The following CRACD variants were observed in gnomAD, a reference collection of about 807,000 sequenced individuals.
The protein encoded by CRACD is capping protein-inhibiting regulator of actin dynamics.
Under a neutral mutation model 106.8 loss-of-function variants are expected in CRACD, and 56 were observed. The observed-to-expected ratio is 0.52, with a 90% CI of 0.42 to 0.66. The LOEUF is 0.66. Ranked by LOEUF, CRACD falls within the 30% of genes least tolerant of loss-of-function variation. The probability of loss-of-function intolerance (pLI) is 0.00; values close to 1 mark genes in which losing one functional copy is unlikely to be tolerated. For missense variants in CRACD, 1,730 were observed against 1,623.2 expected (o/e 1.07, Z -1.13); for synonymous variants, 754 against 670.8 (o/e 1.12, Z -1.92).
At chr4:56,307,434 A>G (rs1744803164) in intron 4 of CRACD, 101 bp from the exon 5 acceptor site, 1 of 1,084,280 alleles carries the variant, frequency 9.2e-7, no homozygotes, top group East Asian at 2.4e-5. Context: ...AGTTGTGCAC[A>G]AGGTATGCCT....
chr4:56,258,431 T>C (rs1741500815), intron 2 of CRACD, among the ~76,000 whole-genome samples: 1 of 152,216 alleles, frequency 6.6e-6, no homozygotes, highest in Admixed American at 6.5e-5. Context: ...CAGCACCTCC[T>C]GAGGCTTTGT....
intron 2 of CRACD, among the ~76,000 whole-genome samples, chr4:56,253,172 G>A (rs1051101320): frequency 1.3e-5 from 2 of 152,254 alleles, no homozygotes; most frequent in Admixed American, 6.5e-5. Context: ...GCAACTTACA[G>A]ACCATACTCT....
At chr4:56,088,132 CTTTTTTT>C (rs11305512) in intron 1 of CRACD, among the ~76,000 whole-genome samples, 21 of 131,944 alleles carry the variant, frequency 1.6e-4, no homozygotes, top group African/African-American at 4.3e-4. Context: ...TAGATTGTTT[CTTTTTTT>C]TTTTTTTTTT....
intron 10 of CRACD, 50 bp downstream of exon 10, chr4:56,324,316 G>A (rs1746296362): frequency 1.3e-6 from 2 of 1,559,700 alleles, no homozygotes; most frequent in South Asian, 1.2e-5. Flanking sequence ...GTTTCTCTTT[G>A]TAGAGCGTGC....
intron 2 of CRACD, among the ~76,000 whole-genome samples, chr4:56,188,709 C>CAA (rs1227467173): frequency 7.7e-6 from 1 of 129,952 alleles, no homozygotes; most frequent in African/African-American, 3.3e-5. Context: ...CACACACACA[C>CAA]ACAGAGAGAG....
chr4:56,243,624 CT>C (rs899649701), intron 2 of CRACD, among the ~76,000 whole-genome samples: 2 of 151,848 alleles, frequency 1.3e-5, no homozygotes, highest in African/African-American at 4.8e-5. Context: ...AAATGGCTTT[CT>C]TTTTTTATTT....
Position 56,314,562 on chromosome 4 carries a change from T to C in CRACD, c.1060T>C (p.Cys354Arg). The part of the protein sequence containing the change: ...RRRQEEEEGR[C>R]AEELKRQEEE... ...GCGGCAGGAGGAGGAGGAAGGAAGA[T>C]GCGCGGAGGAGCTCAAAAGGCAGGA... Residue 354 changes from cysteine to arginine, a missense_variant, in exon 8 of 11, where the codon TGC becomes CGC. Physicochemically the swap from Cys to Arg is radical, Grantham distance 180. Transcript: ENST00000682029. The surrounding 1 kb of genome is among the most constrained non-coding windows in gnomAD (Gnocchi z 4.4). 9 of 1,503,604 alleles carry C rather than the reference T, an allele frequency of 6.0e-6. No individual in the cohort carries two copies. The highest frequency in any genetic ancestry group is 2.3e-4 in the Middle Eastern group (1 of 4,362). The allele number at this position is 1,503,604 out of a possible 1,614,324, so 93.1% of individuals were successfully genotyped here. A position where few individuals can be genotyped will look rare whatever the true frequency, so the allele number is the denominator to read the frequency against.
intron 1 of CRACD, among the ~76,000 whole-genome samples, chr4:56,077,913 G>A (rs1732897443): frequency 6.6e-6 from 1 of 152,140 alleles, no homozygotes; most frequent in Admixed American, 6.5e-5. Context: ...TTTGGGGAAG[G>A]CATCATATCT....
chr4:56,145,140 T>C (rs1735337821), intron 1 of CRACD, among the ~76,000 whole-genome samples: 1 of 152,214 alleles, frequency 6.6e-6, no homozygotes. Context: ...ACATCCAATT[T>C]TCTTATTTTA....
In CRACD at chr4:56,277,362, C is replaced by T. The variant is rs542614349; in HGVS notation, c.-17+4870C>T. ...AAAAAAGCCAATCAATGTAATATAC[C>T]ATATTAATAAAATAAAGGATAAAAA... On this transcript the variant is annotated intron_variant, in intron 3 of 10. Transcript: ENST00000682029. Among the ~76,000 whole-genome samples the T allele has an allele frequency of 9.9e-5, 15 of 151,222 alleles. No individual in the cohort carries two copies. In the South Asian group the frequency reaches 3.2e-3, roughly 32 times the overall value.
chr4:56,055,134 A>C (rs565738591), intron 1 of CRACD, among the ~76,000 whole-genome samples: 1 of 152,242 alleles, frequency 6.6e-6, no homozygotes, highest in African/African-American at 2.4e-5. Context: ...AAGGAAGGAC[A>C]AGTTGCTAAA....
intron 1 of CRACD, among the ~76,000 whole-genome samples, chr4:56,110,184 A>C (rs1335377349): frequency 6.6e-6 from 1 of 152,230 alleles, no homozygotes; most frequent in East Asian, 1.9e-4. Context: ...AGATATAAGA[A>C]GGCAGTAAAA....
chr4:56,165,020 T>C (rs1444073844), intron 1 of CRACD, among the ~76,000 whole-genome samples: 1 of 152,212 alleles, frequency 6.6e-6, no homozygotes, highest in Non-Finnish European at 1.5e-5. Context: ...GCAGTTGGAA[T>C]GTCCTGACCC....
chr4:56,141,552 G>A (rs1166583101), intron 1 of CRACD, among the ~76,000 whole-genome samples: 1 of 151,792 alleles, frequency 6.6e-6, no homozygotes, highest in Non-Finnish European at 1.5e-5. Context: ...AGCTGTGATC[G>A]TACCATTGCA....
intron 1 of CRACD, among the ~76,000 whole-genome samples, chr4:56,139,102 G>T (rs945932207): frequency 6.6e-6 from 1 of 152,138 alleles, no homozygotes; most frequent in East Asian, 1.9e-4. Flanking sequence ...TTTTAAGTTT[G>T]TTTTCATCAA....
At chr4:56,107,940 C>A (rs1489414016) in intron 1 of CRACD, among the ~76,000 whole-genome samples, 1 of 152,184 alleles carries the variant, frequency 6.6e-6, no homozygotes, top group Admixed American at 6.5e-5. Context: ...AGGAGCCATG[C>A]ACATCAACAC....
At chr4:56,309,693 A>C (rs1418201867) in intron 5 of CRACD, among the ~76,000 whole-genome samples, 1 of 152,130 alleles carries the variant, frequency 6.6e-6, no homozygotes, top group Non-Finnish European at 1.5e-5. Flanking sequence ...ATCTCTACTA[A>C]AAATACAAAA....
At chr4:56,157,445 G>A (rs1295896796) in intron 1 of CRACD, among the ~76,000 whole-genome samples, 2 of 152,116 alleles carry the variant, frequency 1.3e-5, no homozygotes, top group Admixed American at 1.3e-4. Context: ...AGAAATGAAG[G>A]AACAAATGAG....
At chr4:56,107,549 CT>C (rs5858363) in intron 1 of CRACD, among the ~76,000 whole-genome samples, 19,030 of 152,008 alleles carry the variant, frequency 0.13, 1,243 homozygotes, top group East Asian at 0.19. Context: ...TTTCTTTGGC[CT>C]TTGGACTTTC....
Sources: gnomAD v4.1 joint callset for allele counts (sites outside exome capture counted in the v4.1 genomes callset) on GRCh38, gnomAD v4.1.1 for gene constraint, Gnocchi (gnomAD v3.1) non-coding constraint, MANE v1.5 for transcripts, NCBI Gene and HGNC (gene_info 2026-07-23, HGNC 2026-07-21) for gene names.